PCDH9: variants seen among roughly 807,000 people sequenced by gnomAD.
PCDH9 encodes protocadherin-9.
Under a neutral mutation model 70.6 loss-of-function variants are expected in PCDH9, and 24 were observed. The ratio of observed to expected loss-of-function variants is 0.34; its 90% confidence interval spans 0.25 to 0.48. PCDH9 has a LOEUF of 0.48. Ranked by LOEUF, PCDH9 falls within the 20% of genes least tolerant of loss-of-function variation. PCDH9 has a pLI of 0.99. For missense variants in PCDH9, 1,281 were observed against 1,503.6 expected, an observed-to-expected ratio of 0.85 and a Z score of 2.45; for synonymous variants, 562 against 558.5, an observed-to-expected ratio of 1.01 and a Z score of -0.09.
At chr13:66,718,372 G>T (rs2078898035) in intron 3 of PCDH9, among the ~76,000 whole-genome samples, 1 of 152,050 alleles carries the variant, frequency 6.6e-6, no homozygotes, top group Non-Finnish European at 1.5e-5. Flanking sequence ...GTTCGGAGGG[G>T]TTAAATAATT....
At chr13:66,445,424 AAATT>A (rs1958055659) in intron 4 of PCDH9, among the ~76,000 whole-genome samples, 1 of 146,524 alleles carries the variant, frequency 6.8e-6, no homozygotes, top group Admixed American at 7.0e-5. Flanking sequence ...CTATACAGAT[AAATT>A]AATAGATGTA....
intron 2 of PCDH9, among the ~76,000 whole-genome samples, chr13:67,022,198 T>C (rs2084691226): frequency 1.5e-5 from 2 of 129,178 alleles, no homozygotes; most frequent in Non-Finnish European, 3.1e-5. Flanking sequence ...TGGTGTGATC[T>C]GGGCTCACTG....
At chr13:66,393,034 A>G (rs1957045959) in intron 4 of PCDH9, among the ~76,000 whole-genome samples, 1 of 152,142 alleles carries the variant, frequency 6.6e-6, no homozygotes, top group Non-Finnish European at 1.5e-5. Flanking sequence ...CCATACCTTC[A>G]ACTTTTCTGT....
chr13:67,081,077 T>C (rs1273880523), intron 2 of PCDH9, among the ~76,000 whole-genome samples: 3 of 152,136 alleles, frequency 2.0e-5, no homozygotes, highest in African/African-American at 7.2e-5. Context: ...TCCAATATAA[T>C]TTTGAAAAAA....
intron 4 of PCDH9, among the ~76,000 whole-genome samples, chr13:66,359,575 A>G (rs1269006046): frequency 1.3e-5 from 2 of 152,054 alleles, no homozygotes; most frequent in Non-Finnish European, 2.9e-5. Context: ...TAAAATTTGT[A>G]AGCAGGTTCC....
chr13:66,754,293 G>A (rs1258930757), intron 3 of PCDH9, among the ~76,000 whole-genome samples: 1 of 152,024 alleles, frequency 6.6e-6, no homozygotes, highest in African/African-American at 2.4e-5. Flanking sequence ...GGGTTGATGG[G>A]TGCAGCAAAC....
chr13:66,356,719 G>A (rs1372344732), intron 4 of PCDH9, among the ~76,000 whole-genome samples: 1 of 152,062 alleles, frequency 6.6e-6, no homozygotes, highest in Non-Finnish European at 1.5e-5. Flanking sequence ...TTAAAAGGAA[G>A]AAGACATCTT....
intron 2 of PCDH9, among the ~76,000 whole-genome samples, chr13:67,047,699 T>C (rs2085249552): frequency 6.6e-6 from 1 of 152,186 alleles, no homozygotes; most frequent in Admixed American, 6.5e-5. Flanking sequence ...TCATTCCAAG[T>C]GAAACAAGGT....
Position 67,225,454 on chromosome 13 carries a change from C to T in PCDH9, c.2987G>A (p.Cys996Tyr). 6.2e-7 allele frequency: 1 copy of T among 1,614,104 alleles called. No individual in the cohort carries two copies. Among genetic ancestry groups the T allele is most frequent in the Non-Finnish European group, 8.5e-7 (1 of 1,179,996 alleles). ...TSSDHFSASE[C>Y]SSQGGFKTKG... ...TGTCTTGAAGCCTCCTTGGGAACTGCACTCTGAGGCACTGAAGTGATCTGA... is the reference window on the plus strand; with the variant it reads ...TGTCTTGAAGCCTCCTTGGGAACTGTACTCTGAGGCACTGAAGTGATCTGA... Residue 996 changes from cysteine to tyrosine, a missense_variant, in exon 2 of 5, where the codon TGC becomes TAC. Around this residue, in one of 4 missense-constraint regions of PCDH9, gnomAD observed 12 missense variants for 29.9 expected, o/e 0.40. Coordinates refer to ENST00000377865, the MANE Select transcript of PCDH9 (RefSeq NM_203487.3).
At chr13:66,873,177 T>C (rs1250962724) in intron 3 of PCDH9, among the ~76,000 whole-genome samples, 3 of 152,194 alleles carry the variant, frequency 2.0e-5, no homozygotes, top group Non-Finnish European at 2.9e-5. Flanking sequence ...TAAGATCTTA[T>C]TTTTGTTAGC....
chr13:67,127,007 A>C (rs974860660), intron 2 of PCDH9, among the ~76,000 whole-genome samples: 1 of 152,156 alleles, frequency 6.6e-6, no homozygotes, highest in Non-Finnish European at 1.5e-5. Flanking sequence ...CCTTAAGTCA[A>C]TTGATCTTTA....
At chr13:66,360,012 C>T (rs1346579453) in intron 4 of PCDH9, among the ~76,000 whole-genome samples, 2 of 151,952 alleles carry the variant, frequency 1.3e-5, no homozygotes, top group Non-Finnish European at 2.9e-5. Context: ...TTGGTTAGCT[C>T]CGTGCAAAGG....
intron 3 of PCDH9, among the ~76,000 whole-genome samples, chr13:66,640,258 T>G (rs2224741): frequency 0.98 from 148,543 of 152,230 alleles, 72,584 homozygotes; most frequent in East Asian, 1. Context: ...TGTCAATATT[T>G]ATAACAAAAA....
intron 4 of PCDH9, among the ~76,000 whole-genome samples, chr13:66,568,512 CAAA>C (rs34215376): frequency 3.1e-4 from 34 of 108,092 alleles, no homozygotes; most frequent in African/African-American, 1.1e-3. Context: ...TGAGACTTTA[CAAA>C]AAAAAAAAAA....
At chr13:66,602,607 C>T (rs2077176716) in intron 4 of PCDH9, among the ~76,000 whole-genome samples, 1 of 12,824 alleles carries the variant, frequency 7.8e-5, no homozygotes, top group Non-Finnish European at 3.1e-3. Flanking sequence ...TTACAAGAGT[C>T]AAAAATTTTT....
chr13:66,796,103 T>C (rs1454790802), intron 3 of PCDH9, among the ~76,000 whole-genome samples: 4 of 152,182 alleles, frequency 2.6e-5, no homozygotes, highest in Non-Finnish European at 4.4e-5. Flanking sequence ...TAGCACGGTG[T>C]TTGGAAGCAT....
rs1215002306 is a variant in PCDH9, at chr13:66,406,570, CAG to C, written c.3341-101544_3341-101543del. On this transcript the variant is annotated intron_variant, in intron 4 of 4. Transcript: ENST00000377865. Reference sequence around the variant, plus strand: ...ATTTACCCTTGAGAAAATTGTGACTCAGAGAATTTACTACACATATTCATCTT... The same window carrying C: ...ATTTACCCTTGAGAAAATTGTGACTCAGAATTTACTACACATATTCATCTT... Among the ~76,000 whole-genome samples the C allele has an allele frequency of 3.9e-5, 6 of 152,244 alleles. 1 individual carries two copies. The highest frequency in any genetic ancestry group is 4.1e-4 in the South Asian group (2 of 4,828).
At chr13:66,755,914 T>C (rs1229507234) in intron 3 of PCDH9, among the ~76,000 whole-genome samples, 1 of 152,200 alleles carries the variant, frequency 6.6e-6, no homozygotes, top group Non-Finnish European at 1.5e-5. Flanking sequence ...AGGAGGCCTC[T>C]GCAGTTGAGT....
chr13:66,523,266 C>T (rs1272818354), intron 4 of PCDH9, among the ~76,000 whole-genome samples: 3 of 151,930 alleles, frequency 2.0e-5, no homozygotes, highest in Non-Finnish European at 2.9e-5. Context: ...TTACACTATG[C>T]CAGCATATTA....
Sources: gnomAD v4.1 joint callset for allele counts (sites outside exome capture counted in the v4.1 genomes callset) on GRCh38, gnomAD v4.1.1 for gene constraint, gnomAD v4.1.1 regional missense constraint, MANE v1.5 for transcripts, NCBI Gene and HGNC (gene_info 2026-07-23, HGNC 2026-07-21) for gene names.